The following POLK variants were observed in gnomAD, a reference collection of about 807,000 sequenced individuals.
POLK encodes DNA polymerase kappa, also known as polymerase (DNA directed) kappa.
A neutral mutation model predicts 94.0 loss-of-function variants in POLK; 76 were observed. That is an observed-to-expected ratio of 0.81 (90% CI 0.67 to 0.98). The LOEUF (loss-of-function observed/expected upper bound fraction) is 0.98, where lower values mean the gene tolerates loss of function less well. Among genes scored for constraint, POLK ranks in the 50% least tolerant of loss-of-function variants. The pLI is 0.00. For synonymous variants in POLK, 349 were observed against 325.4 expected, an observed-to-expected ratio of 1.07 and a Z score of -0.78; for missense variants, 954 against 1,010.1, an observed-to-expected ratio of 0.94 and a Z score of 0.75.
chr5:75,518,523 CT>C (rs1416364583), intron 1 of POLK, among the ~76,000 whole-genome samples: 2 of 151,644 alleles, frequency 1.3e-5, no homozygotes, highest in Non-Finnish European at 2.9e-5. Flanking sequence ...AATTTTCTTT[CT>C]TTTATTTGTC....
chr5:75,583,332 A>G (rs754266139), exon 8 of POLK: 4 of 1,606,278 alleles, frequency 2.5e-6, no homozygotes, highest in African/African-American at 2.7e-5. Context: ...GTATGCAGTG[A>G]TAAGAATAAA....
intron 7 of POLK, chr5:75,583,014 A>G: frequency 4.4e-6 from 1 of 224,954 alleles, no homozygotes. Context: ...AACACTTAAT[A>G]TTGCTTAGCT....
At chr5:75,525,095 A>G (rs530486398) in intron 1 of POLK, among the ~76,000 whole-genome samples, 1 of 152,240 alleles carries the variant, frequency 6.6e-6, no homozygotes, top group African/African-American at 2.4e-5. Flanking sequence ...CTTACAACAT[A>G]GCATTTACAG....
At chr5:75,578,333 T>G (rs1226219047) in intron 6 of POLK, among the ~76,000 whole-genome samples, 1 of 152,112 alleles carries the variant, frequency 6.6e-6, no homozygotes, top group African/African-American at 2.4e-5. Flanking sequence ...TTTTTTGTAT[T>G]TTTAGTAGAG....
At chr5:75,530,314 A>G (rs1769098819) in intron 1 of POLK, among the ~76,000 whole-genome samples, 1 of 127,314 alleles carries the variant, frequency 7.9e-6, no homozygotes, top group African/African-American at 3.1e-5. Flanking sequence ...CATTGGCACG[A>G]TCTAGGCTCA....
intron 7 of POLK, chr5:75,583,059 G>T (rs954874929): frequency 3.1e-6 from 1 of 317,910 alleles, no homozygotes; most frequent in South Asian, 7.0e-5. Flanking sequence ...ATGTCATGGA[G>T]AATTAAATAT....
At chr5:75,606,945 A>G in the POLK span, among the ~76,000 whole-genome samples, 1 of 152,162 alleles carries the variant, frequency 6.6e-6, no homozygotes, top group African/African-American at 2.4e-5. Context: ...ATGTAATTAA[A>G]GTGAGGTTAG....
intron 4 of POLK, among the ~76,000 whole-genome samples, chr5:75,571,765 A>G (rs2112773459): frequency 6.6e-6 from 1 of 152,358 alleles, no homozygotes; most frequent in South Asian, 2.1e-4. Context: ...ATGAGGAACT[A>G]GAACCCACTT....
intron 1 of POLK, among the ~76,000 whole-genome samples, chr5:75,537,999 G>A (rs1159229879): frequency 1.3e-5 from 2 of 151,986 alleles, no homozygotes; most frequent in Admixed American, 1.3e-4. Flanking sequence ...TGGGACTACA[G>A]GCACCTGCCA....
chr5:75,511,871 C>A lies in POLK; in HGVS notation c.-57C>A. On this transcript the variant is annotated 5_prime_UTR_variant, in exon 1 of 15. Transcript: ENST00000241436. The stretch of plus-strand genomic sequence containing the variant: ...CTGGGAAGGGCGTTGGTCCGTCGCT[C>A]GCGCAGCCTCCTGGGAGTTGTAGTC... The A allele has an allele frequency of 6.6e-7, 1 of 1,515,226 alleles. No homozygotes were observed. Among genetic ancestry groups the A allele is most frequent in the South Asian group, 1.2e-5 (1 of 81,484 alleles). 93.9% of individuals were successfully genotyped at this position (1,515,226 alleles called of 1,614,324 possible). A position where few individuals can be genotyped will look rare whatever the true frequency, so the allele number is the denominator to read the frequency against.
chr5:75,553,154 T>C (rs1770416350), intron 3 of POLK, among the ~76,000 whole-genome samples: 1 of 152,158 alleles, frequency 6.6e-6, no homozygotes, highest in Non-Finnish European at 1.5e-5. Context: ...TTCTCCAGGA[T>C]CTTTGGGAAG....
At chr5:75,587,198 C>A in intron 10 of POLK, 140 bp downstream of exon 10, 1 of 534,920 alleles carries the variant, frequency 1.9e-6, no homozygotes. Flanking sequence ...TTTACACTCC[C>A]TGCAATAAAT....
Position 75,552,602 on chromosome 5 carries a change from A to G in POLK, c.255+11A>G. On this transcript the variant is annotated intron_variant, in intron 3 of 14. Coordinates refer to ENST00000241436, the Ensembl canonical transcript of POLK. The stretch of plus-strand genomic sequence containing the variant: ...AAAGCACAATTACAGGTATTAATTA[A>G]ATTGTTAAATAAAGTGGAAGCTGGT... 1 of 1,592,706 alleles carries G rather than the reference A, an allele frequency of 6.3e-7. No homozygotes were observed.
chr5:75,574,631 G>A (rs1771771653), intron 5 of POLK, among the ~76,000 whole-genome samples: 1 of 152,124 alleles, frequency 6.6e-6, no homozygotes, highest in East Asian at 1.9e-4. Context: ...TTACTCTTTA[G>A]TTATACCAGG....
chr5:75,579,432 C>T (rs1772085962), intron 6 of POLK, among the ~76,000 whole-genome samples: 1 of 151,566 alleles, frequency 6.6e-6, no homozygotes, highest in South Asian at 2.1e-4. Flanking sequence ...TACAGTGGCA[C>T]AATCTCAGCT....
Position 75,536,161 on chromosome 5 carries a change from G to C in POLK, c.-13-10849G>C, listed in dbSNP as rs1180370843. On this transcript the variant is annotated intron_variant, in intron 1 of 14. Coordinates refer to ENST00000241436, the Ensembl canonical transcript of POLK. Reference sequence around the variant, plus strand: ...TGATGCCCTTGGGGATTTGATTATGGTATAAGGTGGATTCAGTTGATGAAC... The same window carrying C: ...TGATGCCCTTGGGGATTTGATTATGCTATAAGGTGGATTCAGTTGATGAAC... Among the ~76,000 whole-genome samples the C allele has an allele frequency of 3.3e-5, 5 of 151,240 alleles. No homozygotes were observed. In the Admixed American group the frequency reaches 3.3e-4, roughly 10 times the overall value.
At chr5:75,524,770 A>C (rs1768750654) in intron 1 of POLK, among the ~76,000 whole-genome samples, 1 of 152,194 alleles carries the variant, frequency 6.6e-6, no homozygotes, top group Non-Finnish European at 1.5e-5. Context: ...GGCATAACTA[A>C]TGTTCCAGTA....
At chr5:75,540,179 T>C (rs1418128465) in intron 1 of POLK, among the ~76,000 whole-genome samples, 1 of 152,188 alleles carries the variant, frequency 6.6e-6, no homozygotes. Context: ...TTATTAGATA[T>C]TTTGCTTCCA....
rs779297741 is a variant in POLK at position 75,590,460 on chromosome 5, T to A, written c.1356+20T>A. The A allele has an allele frequency of 7.0e-7, 1 of 1,423,176 alleles. No homozygotes were observed. The highest frequency in any genetic ancestry group is 1.2e-5 in the South Asian group (1 of 86,550). The allele number at this position is 1,423,176 out of a possible 1,614,324, so 88.2% of individuals were successfully genotyped here. A position where few individuals can be genotyped will look rare whatever the true frequency, so the allele number is the denominator to read the frequency against. ...CTTAAGGTGCTTTATTTTGATATGG[T>A]GTCCTTAGTTTTTAAGTTTTTTAAT... On this transcript the variant is annotated intron_variant, in intron 11 of 14. Transcript: ENST00000241436.
Sources: gnomAD v4.1 joint callset for allele counts (sites outside exome capture counted in the v4.1 genomes callset) on GRCh38, gnomAD v4.1.1 for gene constraint, MANE v1.5 for transcripts, NCBI Gene and HGNC (gene_info 2026-07-23, HGNC 2026-07-21) for gene names.